Variants in SVOPL observed in about 807,000 individuals in gnomAD.
The protein encoded by SVOPL is putative transporter SVOPL.
A neutral mutation model predicts 61.0 loss-of-function variants in SVOPL; 60 were observed. That is an observed-to-expected ratio of 0.98 (90% CI 0.80 to 1.22). The LOEUF is 1.22. SVOPL is among the 50% of genes most tolerant of loss of function. The pLI, the probability that SVOPL is intolerant of heterozygous loss-of-function variation, is 0.00. For synonymous variants in SVOPL, 279 were observed against 250.0 expected, an observed-to-expected ratio of 1.12 and a Z score of -1.09; for missense variants, 662 against 643.9, an observed-to-expected ratio of 1.03 and a Z score of -0.30.
intron 14 of SVOPL, 36 bp downstream of exon 14, chr7:138,621,008 TCA>T (rs1198185222): frequency 6.3e-7 from 1 of 1,595,066 alleles, no homozygotes; most frequent in East Asian, 2.3e-5. Context: ...ACCCCCTCTC[TCA>T]GACTCTCTCT....
intron 6 of SVOPL, among the ~76,000 whole-genome samples, chr7:138,658,101 C>G (rs1801833231): frequency 6.6e-6 from 1 of 152,194 alleles, no homozygotes; most frequent in African/African-American, 2.4e-5. Flanking sequence ...TTTACCACAT[C>G]TTGTTTTATC....
At chr7:138,651,116 G>A (rs4442078) in intron 7 of SVOPL, among the ~76,000 whole-genome samples, 1 of 151,756 alleles carries the variant, frequency 6.6e-6, no homozygotes, top group Non-Finnish European at 1.5e-5. Context: ...TCTGGACTTG[G>A]AACCACCAGG....
At chr7:138,616,122 T>C (rs1799288532) in intron 14 of SVOPL, among the ~76,000 whole-genome samples, 1 of 152,254 alleles carries the variant, frequency 6.6e-6, no homozygotes, top group Non-Finnish European at 1.5e-5. Flanking sequence ...GTGCCCGATC[T>C]TGAACTTCAA....
intron 1 of SVOPL, chr7:138,689,554 AG>A: frequency 1.9e-6 from 1 of 519,148 alleles, no homozygotes; most frequent in Non-Finnish European, 3.4e-6. Flanking sequence ...TGAAATTAAA[AG>A]TAAAAAAAGA....
chr7:138,624,173 A>G (rs1302007286), intron 13 of SVOPL, among the ~76,000 whole-genome samples: 1 of 152,182 alleles, frequency 6.6e-6, no homozygotes, highest in Non-Finnish European at 1.5e-5. Context: ...CTGTCCATCA[A>G]GTTCACCTTA....
At chr7:138,670,876 C>T (rs1479372937) in intron 4 of SVOPL, among the ~76,000 whole-genome samples, 1 of 152,216 alleles carries the variant, frequency 6.6e-6, no homozygotes, top group East Asian at 1.9e-4. Flanking sequence ...CTTCCAATGG[C>T]TCTCCACCCT....
At chr7:138,640,148 CT>C (rs1800708420) in intron 9 of SVOPL, among the ~76,000 whole-genome samples, 4 of 152,066 alleles carry the variant, frequency 2.6e-5, no homozygotes, top group Non-Finnish European at 5.9e-5. Context: ...ACCAAAGCTA[CT>C]TTCAACATGT....
rs911106687 is a variant in SVOPL, at chr7:138,689,799, G to A, written c.-34-10720C>T. On this transcript the variant is annotated intron_variant, in intron 1 of 15. Transcript: ENST00000674285. ...TTGAACCTGGGAGGTGGAGGTTGCA[G>A]TGAGCTGAGATCATGCCACTGCACT... 4.7e-5 allele frequency among the ~76,000 whole-genome samples: 7 copies of A among 150,274 alleles called. No homozygotes were observed. The East Asian group carries it at 1.4e-3, about 30-fold the overall frequency.
At position 138,685,380 on chromosome 7, in the gene SVOPL, A is replaced by G. The variant is rs183957307; in HGVS notation, c.-34-6301T>C. On this transcript the variant is annotated intron_variant, in intron 1 of 15. Coordinates refer to ENST00000674285, the MANE Select transcript of SVOPL (RefSeq NM_001139456.2). ...GTATCATTTACATGACGAATCTAGA[A>G]TAGTCAAAGTCATAGAAGCAGAGAG... Among the ~76,000 whole-genome samples, 37 of 152,320 alleles carry G rather than the reference A, an allele frequency of 2.4e-4. No individual in the cohort carries two copies. In the East Asian group the frequency reaches 6.2e-3, roughly 25 times the overall value.
chr7:138,617,515 G>A (rs1022244389), intron 14 of SVOPL, among the ~76,000 whole-genome samples: 5 of 152,140 alleles, frequency 3.3e-5, no homozygotes, highest in Admixed American at 1.3e-4. Flanking sequence ...AGGGTGGCCC[G>A]CCATCAGCTG....
In SVOPL at chr7:138,644,826, C is replaced by G; in HGVS notation, c.680G>C (p.Arg227Pro). 6.2e-7 allele frequency: 1 copy of G among 1,614,148 alleles called. No individual in the cohort carries two copies. Among genetic ancestry groups the G allele is most frequent in the African/African-American group, 1.3e-5 (1 of 75,036 alleles). The change falls in exon 9 of 16, where the codon CGG becomes CCG. Residue 227 changes from arginine to proline, a missense_variant. By Grantham distance (103) the Arg-to-Pro change is moderately radical. Coordinates refer to ENST00000674285, the MANE Select transcript of SVOPL (RefSeq NM_001139456.2). ...VAFKFIPESA[R>P]FNVSTGNTRA... ...AGTGTTCCCAGTGGAGACATTGAAC[C>G]GGGCAGATTCAGGAATAAACTGGGT...
At chr7:138,686,332 G>C (rs988329583) in intron 1 of SVOPL, among the ~76,000 whole-genome samples, 3 of 151,472 alleles carry the variant, frequency 2.0e-5, no homozygotes, top group African/African-American at 7.3e-5. Flanking sequence ...GAACCCCGGG[G>C]GGGGCGGAGG....
In SVOPL at chr7:138,679,019, G is replaced by A. The variant is rs868260966; in HGVS notation, c.27C>T (p.Val9=). 3 of 1,551,626 alleles carry A rather than the reference G, an allele frequency of 1.9e-6. No individual in the cohort carries two copies. Among genetic ancestry groups the A allele is most frequent in the Non-Finnish European group, 1.7e-6 (2 of 1,146,982 alleles). The change falls in exon 2 of 16, where the codon GTC becomes GTT. Residue 9 remains valine, a synonymous_variant. Transcript: ENST00000674285. ...TCAATTTCCGAAGGCTGAGGATCGTGACAGGCTCTGTTGGCTTGGTTGCCA... is the reference window on the plus strand; with the variant it reads ...TCAATTTCCGAAGGCTGAGGATCGTAACAGGCTCTGTTGGCTTGGTTGCCA... MATKPTEP[V]TILSLRKLSL... is the part of the protein sequence containing the mutation.
rs1335233666 is a variant in SVOPL, at chr7:138,660,010, T to C, written c.346-22A>G. ...GAATCTGAAGCAACAGCAGAACACA[T>C]GAATGGGACCTGCCTCAATGCGGGG... is the stretch of plus-strand genomic sequence containing the variant. On this transcript the variant is annotated intron_variant, in intron 5 of 15. Transcript: ENST00000674285. The C allele has an allele frequency of 7.7e-6, 12 of 1,551,216 alleles. No individual in the cohort carries two copies. In the Middle Eastern group the frequency reaches 5.0e-4, roughly 65 times the overall value.
chr7:138,679,105 G>C (rs1802644071), intron 1 of SVOPL, 26 bp from the exon 2 acceptor site: 1 of 1,460,862 alleles, frequency 6.8e-7, no homozygotes, highest in African/African-American at 1.4e-5. Flanking sequence ...GAGGGAAGAA[G>C]GAAAGAAATA....
chr7:138,611,875 G>GC (rs1584779281), intron 14 of SVOPL, among the ~76,000 whole-genome samples: 4 of 54,736 alleles, frequency 7.3e-5, no homozygotes, highest in East Asian at 4.1e-4. Flanking sequence ...CTGCCCGGCC[G>GC]CCACCCCGTC....
chr7:138,595,689 A>G (rs1007470973), intron 15 of SVOPL, among the ~76,000 whole-genome samples: 2 of 152,032 alleles, frequency 1.3e-5, no homozygotes, highest in Admixed American at 1.3e-4. Context: ...TAGTTTCCTC[A>G]TTTGTATAAA....
chr7:138,606,815 G>A (rs62485281), intron 14 of SVOPL, among the ~76,000 whole-genome samples: 2 of 151,782 alleles, frequency 1.3e-5, no homozygotes, highest in African/African-American at 4.8e-5. Context: ...TGAGCCGGGC[G>A]TGGTGGCGCA....
At chr7:138,675,696 G>A (rs558439305) in intron 3 of SVOPL, among the ~76,000 whole-genome samples, 1 of 152,110 alleles carries the variant, frequency 6.6e-6, no homozygotes, top group South Asian at 2.1e-4. Context: ...TTTGGGGAGG[G>A]TCAGATCCCT....
Sources: gnomAD v4.1 joint callset for allele counts (sites outside exome capture counted in the v4.1 genomes callset) on GRCh38, gnomAD v4.1.1 for gene constraint, MANE v1.5 for transcripts, NCBI Gene and HGNC (gene_info 2026-07-23, HGNC 2026-07-21) for gene names.